SRPK1: variants seen among roughly 807,000 people sequenced by gnomAD.
SRPK1 encodes SFRS protein kinase 1.
Under a neutral mutation model 89.5 loss-of-function variants are expected in SRPK1, and 52 were observed. That is an observed-to-expected ratio of 0.58 (90% CI 0.46 to 0.73). The LOEUF is 0.73. Ranked by LOEUF, SRPK1 falls within the 30% of genes least tolerant of loss-of-function variation. The pLI is 0.00. For missense variants in SRPK1, 603 were observed against 780.6 expected (o/e 0.77, Z 2.71); for synonymous variants, 255 against 270.2 (o/e 0.94, Z 0.55).
At chr6:35,853,951 C>G (rs1426766528) in intron 13 of SRPK1, among the ~76,000 whole-genome samples, 1 of 151,824 alleles carries the variant, frequency 6.6e-6, no homozygotes, top group African/African-American at 2.4e-5. Context: ...CCCCTTTCCC[C>G]CTTTTTTTTG....
At chr6:35,854,588 C>T (rs1231560777) in intron 13 of SRPK1, among the ~76,000 whole-genome samples, 1 of 152,068 alleles carries the variant, frequency 6.6e-6, no homozygotes, top group African/African-American at 2.4e-5. Context: ...TGAGTGGGTC[C>T]AGAACTATGA....
chr6:35,878,225 G>C (rs1012381155), intron 6 of SRPK1, among the ~76,000 whole-genome samples: 13 of 152,180 alleles, frequency 8.5e-5, no homozygotes, highest in African/African-American at 2.9e-4. Context: ...TGGAATTAGG[G>C]CTTCTTAGAG....
chr6:35,880,742 A>AAAAAAAAAAAAAAGAAAGAAAG lies in SRPK1; in HGVS notation c.478+5981_478+5982insCTTTCTTTCTTTTTTTTTTTTT. 1.1e-3 allele frequency among the ~76,000 whole-genome samples: 32 copies of AAAAAAAAAAAAAAGAAAGAAAG among 28,150 alleles called. 1 individual carries two copies. Among genetic ancestry groups the AAAAAAAAAAAAAAGAAAGAAAG allele is most frequent in the African/African-American group, 7.6e-3 (24 of 3,176 alleles). The allele number at this position is 28,150 out of a possible 152,430, so 18.5% of individuals were successfully genotyped here. ...CTCAAAAAAAAAAAAAAAGAAAAAA[A>AAAAAAAAAAAAAAGAAAGAAAG]AAAAAAAAGAAAAGAAAAGAAGAAG... is the stretch of plus-strand genomic sequence containing the variant. On this transcript the variant is annotated intron_variant, in intron 6 of 15. Transcript: ENST00000373825.
At chr6:35,892,693 A>G (rs1471979661) in intron 2 of SRPK1, among the ~76,000 whole-genome samples, 3 of 69,100 alleles carry the variant, frequency 4.3e-5, no homozygotes, top group Non-Finnish European at 1.0e-4. Context: ...CAACAACGAC[A>G]ACAACACAAA....
At chr6:35,915,970 TC>T (rs1226971243) in intron 2 of SRPK1, among the ~76,000 whole-genome samples, 1 of 43,602 alleles carries the variant, frequency 2.3e-5, no homozygotes, top group African/African-American at 1.7e-4. Context: ...AGACTCTGTC[TC>T]AAAAACAAAA....
chr6:35,859,669 C>T (rs903995046), intron 12 of SRPK1, among the ~76,000 whole-genome samples: 4 of 152,060 alleles, frequency 2.6e-5, no homozygotes, highest in Admixed American at 6.6e-5. Flanking sequence ...TAATACAGCT[C>T]GTTAAAAATT....
chr6:35,886,311 C>T (rs541692311), intron 6 of SRPK1, among the ~76,000 whole-genome samples: 24 of 152,244 alleles, frequency 1.6e-4, no homozygotes, highest in South Asian at 1.0e-3. Flanking sequence ...AACTCCTGAC[C>T]TCAGGTGATC....
At chr6:35,840,350 G>C (rs1347359906) in intron 14 of SRPK1, among the ~76,000 whole-genome samples, 1 of 152,128 alleles carries the variant, frequency 6.6e-6, no homozygotes, top group Admixed American at 6.6e-5. Context: ...AGTTTTGACT[G>C]AATTTATGGT....
chr6:35,864,564 G>A (rs1334291403), intron 12 of SRPK1, among the ~76,000 whole-genome samples: 1 of 152,112 alleles, frequency 6.6e-6, no homozygotes, highest in Non-Finnish European at 1.5e-5. Context: ...GCAAGGATGT[G>A]GAGAAAAGGG....
At chr6:35,920,166 C>T (rs1469431995) in intron 2 of SRPK1, 2 of 532,064 alleles carry the variant, frequency 3.8e-6, no homozygotes, top group Non-Finnish European at 7.2e-6. Context: ...GTGGGGAGGT[C>T]CAAGCTAGGG....
At position 35,886,866 on chromosome 6, in the gene SRPK1, G is replaced by C. The variant is rs1770420014; in HGVS notation, c.391-55C>G. The C allele has an allele frequency of 1.6e-5, 15 of 963,734 alleles. No individual in the cohort carries two copies. The South Asian group carries it at 1.9e-4, about 12-fold the overall frequency. 59.7% of individuals were successfully genotyped at this position (963,734 alleles called of 1,614,324 possible). ...CAAGGTAAAGCATGGAAATAAACCA[G>C]ATGGTAGGGGAAGAATACTTACAGC... is the stretch of plus-strand genomic sequence containing the variant. On this transcript the variant is annotated intron_variant, in intron 5 of 15. Coordinates refer to ENST00000373825, the MANE Select transcript of SRPK1 (RefSeq NM_003137.5).
chr6:35,890,923 C>T lies in SRPK1; in HGVS notation c.165G>A (p.Glu55=), dbSNP rs1223883595. Residue 55 remains glutamate (E), a synonymous_variant, in exon 3 of 16, where the codon GAG becomes GAA. Coordinates refer to ENST00000373825, the MANE Select transcript of SRPK1 (RefSeq NM_003137.5). ...EEEILGSDDD[E]QEDPNDYCKG... Reference sequence around the variant, plus strand: ...TACAATAATCATTAGGATCTTCTTGCTCATCATCATCAGATCCCAGAATCT... The same window carrying T: ...TACAATAATCATTAGGATCTTCTTGTTCATCATCATCAGATCCCAGAATCT... The T allele has an allele frequency of 1.3e-6, 2 of 1,552,858 alleles. No homozygotes were observed. The highest frequency in any genetic ancestry group is 1.7e-6 in the Non-Finnish European group (2 of 1,147,386).
chr6:35,879,341 G>A (rs1304618606), intron 6 of SRPK1, among the ~76,000 whole-genome samples: 1 of 151,914 alleles, frequency 6.6e-6, no homozygotes, highest in African/African-American at 2.4e-5. Flanking sequence ...GAGCCCAGGG[G>A]GTTGAGACCA....
Position 35,835,333 on chromosome 6 carries a change from A to T in SRPK1, c.1939T>A (p.Cys647Ser), listed in dbSNP as rs972165761. The change falls in exon 16 of 16, where the codon TGT becomes AGT. Residue 647 changes from cysteine (C) to serine (S), a missense_variant. Physicochemically the swap from Cys to Ser is moderately radical, Grantham distance 112 (BLOSUM62 -1). Coordinates refer to ENST00000373825, the MANE Select transcript of SRPK1 (RefSeq NM_003137.5). Reference protein sequence around the residue: ...IPEKRATAAECLRHPWLNS With the variant: ...IPEKRATAAESLRHPWLNS ...GAGTTAAGCCAAGGGTGCCGGAGAC[A>T]CTCGGCGGCAGTGGCTCTCTTCTCA... 6.2e-7 allele frequency: 1 copy of T among 1,613,748 alleles called. No homozygotes were observed. Among genetic ancestry groups the T allele is most frequent in the Non-Finnish European group, 8.5e-7 (1 of 1,179,806 alleles).
intron 2 of SRPK1, among the ~76,000 whole-genome samples, chr6:35,905,200 T>C (rs912420183): frequency 1.3e-5 from 2 of 151,970 alleles, no homozygotes; most frequent in African/African-American, 4.8e-5. Flanking sequence ...ATCTGGAGAA[T>C]CACATAAAAA....
At chr6:35,879,723 C>G (rs1277953533) in intron 6 of SRPK1, among the ~76,000 whole-genome samples, 1 of 152,048 alleles carries the variant, frequency 6.6e-6, no homozygotes, top group Non-Finnish European at 1.5e-5. Flanking sequence ...CAGATACTGT[C>G]CCTGAAAAAG....
chr6:35,878,916 C>T (rs1041691563), intron 6 of SRPK1, among the ~76,000 whole-genome samples: 22 of 152,014 alleles, frequency 1.4e-4, no homozygotes, highest in African/African-American at 4.8e-4. Context: ...CATGGTGAAA[C>T]GCTGTCTCTA....
chr6:35,853,419 A>C (rs976960220), intron 13 of SRPK1, among the ~76,000 whole-genome samples: 3 of 152,262 alleles, frequency 2.0e-5, no homozygotes, highest in Non-Finnish European at 4.4e-5. Flanking sequence ...TGTTATATGC[A>C]AACACTATGC....
chr6:35,887,770 AT>A (rs1262239602), intron 5 of SRPK1: 2 of 317,814 alleles, frequency 6.3e-6, no homozygotes, highest in Non-Finnish European at 5.7e-6. Context: ...CTCAGTGAAT[AT>A]TTTTATTCAT....
Sources: gnomAD v4.1 joint callset for allele counts (sites outside exome capture counted in the v4.1 genomes callset) on GRCh38, gnomAD v4.1.1 for gene constraint, MANE v1.5 for transcripts, NCBI Gene and HGNC (gene_info 2026-07-23, HGNC 2026-07-21) for gene names.